Variants in PPP4R3B observed in about 807,000 individuals in gnomAD.
PPP4R3B encodes the protein protein phosphatase 4 regulatory subunit 3B, also known as serine/threonine-protein phosphatase 4 regulatory subunit 3B.
Under a neutral mutation model 95.4 loss-of-function variants are expected in PPP4R3B, and 52 were observed. The observed-to-expected ratio is 0.54, with a 90% confidence interval of 0.44 to 0.69. PPP4R3B has a LOEUF of 0.69. Among genes scored for constraint, PPP4R3B ranks in the 30% least tolerant of loss-of-function variants. The pLI, the probability that PPP4R3B is intolerant of heterozygous loss-of-function variation, is 0.00. For synonymous variants in PPP4R3B, 407 were observed against 343.9 expected (o/e 1.18, Z -2.03); for missense variants, 1,003 against 1,005.9 (o/e 1.00, Z 0.04).
At chr2:55,601,020 G>A (rs1692519676) in intron 3 of PPP4R3B, among the ~76,000 whole-genome samples, 2 of 151,652 alleles carry the variant, frequency 1.3e-5, no homozygotes, top group South Asian at 2.1e-4. Context: ...GGTGGCGCAC[G>A]CCTGTAGTCC....
intron 11 of PPP4R3B, among the ~76,000 whole-genome samples, chr2:55,574,011 C>G: frequency 6.6e-6 from 1 of 150,412 alleles, no homozygotes; most frequent in South Asian, 2.1e-4. Flanking sequence ...ACCTCAGCTG[C>G]CAGAGTAGCT....
chr2:55,552,219 G>C (rs1355400122), intron 16 of PPP4R3B, among the ~76,000 whole-genome samples: 1 of 152,148 alleles, frequency 6.6e-6, no homozygotes, highest in African/African-American at 2.4e-5. Flanking sequence ...GTAATCTAGA[G>C]ATGCACTTTG....
chr2:55,583,817 T>G (rs1689739162), intron 7 of PPP4R3B, among the ~76,000 whole-genome samples: 1 of 152,168 alleles, frequency 6.6e-6, no homozygotes, highest in South Asian at 2.1e-4. Context: ...TAAGGACACA[T>G]TAAAAGATTA....
chr2:55,606,524 T>TA lies in PPP4R3B; in HGVS notation c.199-2449dup, dbSNP rs557008996. ...ATGCAGTGAGACTTCTATATTTAAT[T>TA]AAAAAAAAAATTATTGGCCAGGCAC... On this transcript the variant is annotated intron_variant, in intron 2 of 16. Coordinates refer to ENST00000616407, the MANE Select transcript of PPP4R3B (RefSeq NM_001122964.3). Among the ~76,000 whole-genome samples, 1,340 of 149,296 alleles carry TA rather than the reference T, an allele frequency of 9.0e-3. 8 individuals carry two copies. Among genetic ancestry groups the TA allele is most frequent in the East Asian group, 0.016 (79 of 5,090 alleles).
At chr2:55,589,641 C>T (rs1024368276) in intron 4 of PPP4R3B, among the ~76,000 whole-genome samples, 8 of 152,064 alleles carry the variant, frequency 5.3e-5, no homozygotes, top group African/African-American at 1.7e-4. Flanking sequence ...AGTGGCCAGG[C>T]GCGGTGGCTC....
In PPP4R3B at chr2:55,598,408, T is replaced by C. The variant is rs1692097746; in HGVS notation, c.921+8A>G. 12 of 1,610,540 alleles carry C rather than the reference T, an allele frequency of 7.5e-6. No individual in the cohort carries two copies. The highest frequency in any genetic ancestry group is 1.3e-5 in the African/African-American group (1 of 74,628). ...AAATGGAATCGTGAAGAGTATCTTT[T>C]TACTTACCTGCAACATGCTGACTAT... On this transcript the variant is annotated splice_region_variant and intron_variant, in intron 4 of 16. Transcript: ENST00000616407.
At chr2:55,609,240 C>T (rs760786440) in intron 2 of PPP4R3B, among the ~76,000 whole-genome samples, 5 of 151,890 alleles carry the variant, frequency 3.3e-5, no homozygotes, top group Non-Finnish European at 5.9e-5. Flanking sequence ...CGAACTATAG[C>T]CTCAAACTCC....
intron 16 of PPP4R3B, among the ~76,000 whole-genome samples, chr2:55,556,853 A>G (rs1685909587): frequency 6.6e-6 from 1 of 152,200 alleles, no homozygotes; most frequent in African/African-American, 2.4e-5. Context: ...GCTTGAGACC[A>G]GCAGTCTGAG....
chr2:55,600,038 C>T (rs1284893419), intron 3 of PPP4R3B, among the ~76,000 whole-genome samples: 1 of 152,188 alleles, frequency 6.6e-6, no homozygotes, highest in Admixed American at 6.5e-5. Context: ...ATTTATTTCT[C>T]TCCAATGGTT....
At chr2:55,564,013 T>C (rs1480930713) in intron 15 of PPP4R3B, among the ~76,000 whole-genome samples, 2 of 152,206 alleles carry the variant, frequency 1.3e-5, no homozygotes, top group Non-Finnish European at 2.9e-5. Flanking sequence ...TTACTGAGAA[T>C]TTCAGTATAG....
intron 5 of PPP4R3B, among the ~76,000 whole-genome samples, chr2:55,587,696 G>A (rs1042485053): frequency 2.0e-5 from 3 of 152,212 alleles, no homozygotes; most frequent in African/African-American, 7.2e-5. Context: ...TTTGAATTAT[G>A]AACACATAGT....
chr2:55,586,606 C>A lies in PPP4R3B; in HGVS notation c.1116+12G>T. ...ACAATTTCAAAAACATGAAAAGAAACGGCATAATTACCATTACAATTTCAA... is the reference window on the plus strand; with the variant it reads ...ACAATTTCAAAAACATGAAAAGAAAAGGCATAATTACCATTACAATTTCAA... On this transcript the variant is annotated intron_variant, in intron 6 of 16. Transcript: ENST00000616407. 6.8e-7 allele frequency: 1 copy of A among 1,475,174 alleles called. No individual in the cohort carries two copies. The highest frequency in any genetic ancestry group is 9.3e-7 in the Non-Finnish European group (1 of 1,070,608). The allele number at this position is 1,475,174 out of a possible 1,614,324, so 91.4% of individuals were successfully genotyped here. A position where few individuals can be genotyped will look rare whatever the true frequency, so the allele number is the denominator to read the frequency against.
chr2:55,617,107 G>T, intron 1 of PPP4R3B, 37 bp downstream of exon 1: 1 of 1,562,386 alleles, frequency 6.4e-7, no homozygotes, highest in South Asian at 1.2e-5. Flanking sequence ...CCCAACCAGA[G>T]GCACTATCCC....
intron 4 of PPP4R3B, among the ~76,000 whole-genome samples, chr2:55,597,174 A>T (rs936244140): frequency 6.6e-6 from 1 of 152,094 alleles, no homozygotes; most frequent in Non-Finnish European, 1.5e-5. Flanking sequence ...CTTAATGCCA[A>T]TGAATTGTAC....
chr2:55,604,200 T>A, intron 2 of PPP4R3B, 124 bp from the exon 3 acceptor site: 1 of 544,550 alleles, frequency 1.8e-6, no homozygotes, highest in Non-Finnish European at 3.1e-6. Flanking sequence ...GAGTAATCAA[T>A]GTATATCTGA....
At position 55,549,701 on chromosome 2, in the gene PPP4R3B, A is replaced by G; in HGVS notation, c.*210T>C. On this transcript the variant is annotated 3_prime_UTR_variant, in exon 17 of 17. Coordinates refer to ENST00000616407, the MANE Select transcript of PPP4R3B (RefSeq NM_001122964.3). ...CTAATGTTTGTTTTGACAGCCTAAA[A>G]GGCAAACCCCTTAATTACTAGCAAG... The G allele has an allele frequency of 1.9e-6, 1 of 522,612 alleles. No individual in the cohort carries two copies. The highest frequency in any genetic ancestry group is 3.3e-6 in the Non-Finnish European group (1 of 299,348). 32.4% of individuals were successfully genotyped at this position (522,612 alleles called of 1,614,324 possible).
At chr2:55,596,106 C>T (rs563574263) in intron 4 of PPP4R3B, among the ~76,000 whole-genome samples, 4 of 152,158 alleles carry the variant, frequency 2.6e-5, no homozygotes, top group African/African-American at 9.6e-5. Context: ...TACTCGTATA[C>T]ACCCCAATAA....
In PPP4R3B at chr2:55,598,698, C is replaced by T; in HGVS notation, c.639G>A (p.Met213Ile). 4 of 1,614,194 alleles carry T rather than the reference C, an allele frequency of 2.5e-6. No homozygotes were observed. The highest frequency in any genetic ancestry group is 8.5e-7 in the Non-Finnish European group (1 of 1,180,040). The change falls in exon 4 of 17, where the codon ATG (methionine) becomes ATA (isoleucine). Residue 213 changes from methionine to isoleucine, a missense_variant. Met to Ile is a conservative substitution (Grantham distance 10, BLOSUM62 1). Transcript: ENST00000616407. ...FLNKATLFEV[M>I]FSDECIMDVV... Reference sequence around the variant, plus strand: ...CATCCATGATACACTCATCAGAAAACATTACCTCAAAAAGAGTTGCCTTAT... The same window carrying T: ...CATCCATGATACACTCATCAGAAAATATTACCTCAAAAAGAGTTGCCTTAT...
At chr2:55,610,906 C>T (rs1284433448) in intron 2 of PPP4R3B, among the ~76,000 whole-genome samples, 5 of 148,344 alleles carry the variant, frequency 3.4e-5, no homozygotes, top group Admixed American at 1.4e-4. Flanking sequence ...TCCTCTATCG[C>T]CCAGGCTGGA....
Sources: allele counts gnomAD v4.1 joint callset (sites outside exome capture counted in the v4.1 genomes callset), GRCh38; gene constraint gnomAD v4.1.1; transcripts MANE v1.5; gene names NCBI Gene and HGNC (gene_info 2026-07-23, HGNC 2026-07-21).